SGCZ: variants seen among roughly 807,000 people sequenced by gnomAD.
The protein encoded by SGCZ is sarcoglycan zeta, also known as zeta-sarcoglycan.
A neutral mutation model predicts 41.3 loss-of-function variants in SGCZ; 40 were observed. The observed-to-expected ratio is 0.97, with a 90% CI of 0.75 to 1.26. The LOEUF (loss-of-function observed/expected upper bound fraction) is 1.26, where lower values mean the gene tolerates loss of function less well. Among genes scored for constraint, SGCZ ranks in the 50% most tolerant of loss-of-function variants. The pLI is 0.00. For missense variants in SGCZ, 552 were observed against 369.8 expected (o/e 1.49, Z -4.04); for synonymous variants, 206 against 137.5 (o/e 1.50, Z -3.49).
intron 1 of SGCZ, among the ~76,000 whole-genome samples, chr8:15,116,952 G>T (rs1286065994): frequency 1.3e-5 from 2 of 152,174 alleles, no homozygotes; most frequent in African/African-American, 2.4e-5. Flanking sequence ...ATAGTTCTAA[G>T]ATAGACATTT....
intron 2 of SGCZ, among the ~76,000 whole-genome samples, chr8:14,538,186 C>A (rs1803354311): frequency 6.6e-6 from 1 of 151,908 alleles, no homozygotes. Flanking sequence ...TGTCCCCATC[C>A]TACATTTGTA....
rs138085821 is a variant in SGCZ, at chr8:15,079,572, T to C, written c.39+158013A>G. On this transcript the variant is annotated intron_variant, in intron 1 of 7. Transcript: ENST00000382080. ...CTATATTTCTCAACTGCAATTATTGTCTGTTAATTTCTCCCAATATATGTT... is the reference window on the plus strand; with the variant it reads ...CTATATTTCTCAACTGCAATTATTGCCTGTTAATTTCTCCCAATATATGTT... Among the ~76,000 whole-genome samples, 250 of 152,328 alleles carry C rather than the reference T, an allele frequency of 1.6e-3. 4 individuals carry two copies. In the East Asian group the frequency reaches 0.044, roughly 27 times the overall value.
intron 1 of SGCZ, among the ~76,000 whole-genome samples, chr8:14,680,620 T>C (rs190575713): frequency 2.8e-4 from 43 of 152,126 alleles, no homozygotes; most frequent in Admixed American, 4.6e-4. Flanking sequence ...ACACTGCATA[T>C]ATTCCAAAGT....
At chr8:14,266,751 A>G (rs530154357) in intron 3 of SGCZ, among the ~76,000 whole-genome samples, 2 of 152,222 alleles carry the variant, frequency 1.3e-5, no homozygotes, top group South Asian at 4.1e-4. Context: ...AGCAACTAAG[A>G]GCAAAATCCA....
At chr8:15,097,477 G>C (rs552112619) in intron 1 of SGCZ, among the ~76,000 whole-genome samples, 1 of 151,906 alleles carries the variant, frequency 6.6e-6, no homozygotes, top group Non-Finnish European at 1.5e-5. Flanking sequence ...GGATGGGCAT[G>C]GTTGCTCAAG....
Position 14,326,296 on chromosome 8 carries a change from G to A in SGCZ, c.235-2092C>T, listed in dbSNP as rs984742192. Among the ~76,000 whole-genome samples the A allele has an allele frequency of 2.0e-5, 3 of 151,812 alleles. No individual in the cohort carries two copies. The East Asian group carries it at 5.8e-4, about 30-fold the overall frequency. ...TTGTGATCAGTATCAGACGAAAGTTGAGGGAATATAATGGCCTAACCCCTC... is the reference window on the plus strand; with the variant it reads ...TTGTGATCAGTATCAGACGAAAGTTAAGGGAATATAATGGCCTAACCCCTC... On this transcript the variant is annotated intron_variant, in intron 2 of 7. Transcript: ENST00000382080.
chr8:14,131,236 G>C (rs1444957365), intron 5 of SGCZ, among the ~76,000 whole-genome samples: 1 of 152,116 alleles, frequency 6.6e-6, no homozygotes, highest in Non-Finnish European at 1.5e-5. Flanking sequence ...CAGAAATCCA[G>C]GGTGGCACCT....
At chr8:14,595,700 C>T (rs1157754699) in intron 1 of SGCZ, among the ~76,000 whole-genome samples, 1 of 152,172 alleles carries the variant, frequency 6.6e-6, no homozygotes, top group Non-Finnish European at 1.5e-5. Context: ...ATCCTCTGCC[C>T]TGTCCTTGGT....
intron 2 of SGCZ, among the ~76,000 whole-genome samples, chr8:14,533,682 A>T (rs1265372588): frequency 6.6e-6 from 1 of 151,990 alleles, no homozygotes; most frequent in Non-Finnish European, 1.5e-5. Flanking sequence ...TTATCCATCA[A>T]CAGAAGGTTT....
rs939146866 is a variant in SGCZ at position 14,935,146 on chromosome 8, T to G, written c.39+302439A>C. Reference sequence around the variant, plus strand: ...ATAAATTATATTTAAACAGGCTGATTTTGTTTTTTAAAAAGTAGATGTTAA... The same window carrying G: ...ATAAATTATATTTAAACAGGCTGATGTTGTTTTTTAAAAAGTAGATGTTAA... On this transcript the variant is annotated intron_variant, in intron 1 of 7. Transcript: ENST00000382080. 6.6e-5 allele frequency among the ~76,000 whole-genome samples: 10 copies of G among 151,848 alleles called. No individual in the cohort carries two copies. The East Asian group carries it at 9.6e-4, about 15-fold the overall frequency.
At chr8:14,683,051 A>G (rs1808499197) in intron 1 of SGCZ, among the ~76,000 whole-genome samples, 2 of 152,162 alleles carry the variant, frequency 1.3e-5, no homozygotes, top group South Asian at 4.1e-4. Context: ...TATAAGGTAC[A>G]AAATAAGCAA....
chr8:14,751,136 C>T (rs1799487721), intron 1 of SGCZ, among the ~76,000 whole-genome samples: 1 of 152,124 alleles, frequency 6.6e-6, no homozygotes, highest in Non-Finnish European at 1.5e-5. Flanking sequence ...TAAGTATATG[C>T]ATTTTCAATT....
intron 1 of SGCZ, among the ~76,000 whole-genome samples, chr8:14,946,457 G>T (rs1760944585): frequency 6.6e-6 from 1 of 151,980 alleles, no homozygotes; most frequent in African/African-American, 2.4e-5. Flanking sequence ...ACATTAGTGT[G>T]TTCCTCCATG....
intron 1 of SGCZ, among the ~76,000 whole-genome samples, chr8:15,210,742 G>A (rs186195354): frequency 5.3e-5 from 8 of 152,030 alleles, no homozygotes; most frequent in Admixed American, 1.3e-4. Flanking sequence ...CCACACCAGC[G>A]CCCATGCTTA....
At chr8:15,078,043 C>A (rs975450509) in intron 1 of SGCZ, among the ~76,000 whole-genome samples, 4 of 151,642 alleles carry the variant, frequency 2.6e-5, no homozygotes, top group Admixed American at 6.6e-5. Flanking sequence ...GATAGAGCCA[C>A]CAGGAATTCA....
intron 1 of SGCZ, among the ~76,000 whole-genome samples, chr8:15,096,102 G>T (rs1418658975): frequency 6.6e-6 from 1 of 151,802 alleles, no homozygotes; most frequent in Non-Finnish European, 1.5e-5. Flanking sequence ...TTTTGAGATG[G>T]AGTCTTGCCC....
intron 1 of SGCZ, among the ~76,000 whole-genome samples, chr8:15,168,482 G>C (rs1279536768): frequency 6.6e-6 from 1 of 151,644 alleles, no homozygotes; most frequent in Non-Finnish European, 1.5e-5. Flanking sequence ...CCCAACCCTT[G>C]CTTCATGGGC....
chr8:15,185,414 C>T (rs760144005), intron 1 of SGCZ, among the ~76,000 whole-genome samples: 4 of 152,112 alleles, frequency 2.6e-5, no homozygotes, highest in Non-Finnish European at 5.9e-5. Context: ...ACCGTGTTCA[C>T]CATGAAGTTT....
At chr8:15,123,996 T>C (rs796451922) in intron 1 of SGCZ, among the ~76,000 whole-genome samples, 40 of 152,322 alleles carry the variant, frequency 2.6e-4, no homozygotes, top group African/African-American at 7.7e-4. Context: ...GCGGGGCAGA[T>C]TGCAAATGGC....
Sources: gnomAD v4.1 joint callset for allele counts (sites outside exome capture counted in the v4.1 genomes callset) on GRCh38, gnomAD v4.1.1 for gene constraint, MANE v1.5 for transcripts, NCBI Gene and HGNC (gene_info 2026-07-23, HGNC 2026-07-21) for gene names.